Variants in IL4R observed in about 807,000 individuals in gnomAD.
IL4R encodes interleukin 4 receptor.
Under a neutral mutation model 41.5 loss-of-function variants are expected in IL4R, and 17 were observed. The ratio of observed to expected loss-of-function variants is 0.41; its 90% confidence interval spans 0.28 to 0.61. The LOEUF (loss-of-function observed/expected upper bound fraction) is 0.61. Among genes scored for constraint, IL4R ranks in the 20% least tolerant of loss-of-function variants. The pLI is 0.31. For synonymous variants in IL4R, 402 were observed against 422.9 expected, an observed-to-expected ratio of 0.95 and a Z score of 0.61; for missense variants, 974 against 1,043.1, an observed-to-expected ratio of 0.93 and a Z score of 0.91.
At chr16:27,338,727 G>A (rs890890601) in intron 2 of IL4R, among the ~76,000 whole-genome samples, 1 of 152,042 alleles carries the variant, frequency 6.6e-6, no homozygotes, top group African/African-American at 2.4e-5. Flanking sequence ...TGCCCCTTCT[G>A]TCATATGAAG....
intron 9 of IL4R, among the ~76,000 whole-genome samples, chr16:27,360,110 G>A (rs573419243): frequency 1.4e-4 from 22 of 152,210 alleles, no homozygotes; most frequent in Middle Eastern, 3.4e-3. Flanking sequence ...TGCTTCCTGG[G>A]TTCAAGCAAT....
At chr16:27,317,928 C>G (rs2084693933) in intron 1 of IL4R, among the ~76,000 whole-genome samples, 2 of 152,222 alleles carry the variant, frequency 1.3e-5, no homozygotes, top group South Asian at 4.1e-4. Flanking sequence ...CTTCCTCCTG[C>G]ATTTCTTCCT....
rs117070791 is a variant in IL4R at position 27,338,612 on chromosome 16, A to T, written c.-18-1574A>T. Among the ~76,000 whole-genome samples, 1,517 of 152,190 alleles carry T rather than the reference A, an allele frequency of 1.0e-2. 29 individuals carry two copies. Among genetic ancestry groups the T allele is most frequent in the Non-Finnish European group, 0.013 (895 of 67,988 alleles). On this transcript the variant is annotated intron_variant, in intron 2 of 10. Transcript: ENST00000395762. The stretch of plus-strand genomic sequence containing the variant: ...GTTGAAACTTCATCCCATTGTAGTC[A>T]TATTAAGAGATGGGGCCTTTGGAGA...
At position 27,314,086 on chromosome 16, in the gene IL4R, C is replaced by A. The variant is rs2084550812; in HGVS notation, c.-152+66C>A. ...ATCGCCCGGGCACGCCGGCTGAGGG[C>A]GTTCGGGAAGGGCTCGGCCGCCGGC... On this transcript the variant is annotated intron_variant, in intron 1 of 10. Transcript: ENST00000395762. 8 of 984,898 alleles carry A rather than the reference C, an allele frequency of 8.1e-6. No individual in the cohort carries two copies. In the South Asian group the frequency reaches 3.3e-4, roughly 40 times the overall value. 61.0% of individuals were successfully genotyped at this position (984,898 alleles called of 1,614,324 possible).
intron 1 of IL4R, among the ~76,000 whole-genome samples, chr16:27,321,190 C>T (rs144964851): frequency 7.3e-4 from 111 of 152,226 alleles, no homozygotes; most frequent in African/African-American, 2.5e-3. Flanking sequence ...GTGATCCGCC[C>T]ACCTCAGCCT....
chr16:27,326,052 G>A (rs2084948524), intron 1 of IL4R, among the ~76,000 whole-genome samples: 2 of 152,078 alleles, frequency 1.3e-5, no homozygotes, highest in Admixed American at 1.3e-4. Flanking sequence ...CTAGAATTCA[G>A]CCCCTTCTCA....
intron 6 of IL4R, among the ~76,000 whole-genome samples, chr16:27,350,795 C>T (rs1163099057): frequency 6.6e-6 from 1 of 152,228 alleles, no homozygotes; most frequent in East Asian, 1.9e-4. Context: ...CTCCAGCCTC[C>T]TGTTTTTCTT....
intron 2 of IL4R, among the ~76,000 whole-genome samples, chr16:27,333,344 C>T (rs1425994529): frequency 6.6e-6 from 1 of 151,950 alleles, no homozygotes. Flanking sequence ...AGCAGGATGG[C>T]CAACTCTGCC....
intron 6 of IL4R, among the ~76,000 whole-genome samples, chr16:27,351,836 A>G (rs1282951112): frequency 6.6e-6 from 1 of 152,214 alleles, no homozygotes; most frequent in Non-Finnish European, 1.5e-5. Flanking sequence ...TAAAAAACAA[A>G]CAAACAAACA....
At chr16:27,352,063 A>G (rs371131155) in intron 6 of IL4R, among the ~76,000 whole-genome samples, 61 of 152,316 alleles carry the variant, frequency 4.0e-4, no homozygotes, top group African/African-American at 1.4e-3. Flanking sequence ...AAGATCACCC[A>G]GTGCTTTTTG....
intron 9 of IL4R, among the ~76,000 whole-genome samples, chr16:27,359,546 G>T (rs149411324): frequency 0.01 from 1,590 of 152,264 alleles, 19 homozygotes; most frequent in Middle Eastern, 0.017. Context: ...GAGAAAGGGG[G>T]ATTATAGGTC....
chr16:27,335,792 G>C (rs1567314119), intron 2 of IL4R, among the ~76,000 whole-genome samples: 1 of 152,042 alleles, frequency 6.6e-6, no homozygotes, highest in African/African-American at 2.4e-5. Flanking sequence ...GCCAAGACCT[G>C]GTCACTAGGA....
intron 8 of IL4R, among the ~76,000 whole-genome samples, chr16:27,358,618 G>C (rs1441533174): frequency 6.6e-6 from 1 of 152,196 alleles, no homozygotes; most frequent in Non-Finnish European, 1.5e-5. Context: ...TGAGGACATA[G>C]GTGGCCTCCT....
intron 6 of IL4R, among the ~76,000 whole-genome samples, chr16:27,347,658 C>G (rs1017377019): frequency 6.6e-6 from 1 of 152,196 alleles, no homozygotes; most frequent in African/African-American, 2.4e-5. Flanking sequence ...CCATGTTTCC[C>G]CACCCTGAAT....
At chr16:27,335,919 C>T (rs1430155839) in intron 2 of IL4R, among the ~76,000 whole-genome samples, 2 of 152,080 alleles carry the variant, frequency 1.3e-5, no homozygotes, top group Admixed American at 1.3e-4. Flanking sequence ...AGTGGTGATG[C>T]ATCACTGTTA....
intron 1 of IL4R, among the ~76,000 whole-genome samples, chr16:27,326,976 G>A (rs1282617791): frequency 6.6e-6 from 1 of 152,174 alleles, no homozygotes; most frequent in Non-Finnish European, 1.5e-5. Flanking sequence ...AGGAAGAAGT[G>A]CATGCCTAGC....
rs575282718 is a variant in IL4R at position 27,363,954 on chromosome 16, T to A, written c.*124T>A. The A allele has an allele frequency of 2.6e-4, 298 of 1,137,812 alleles. 1 individual carries two copies. In the African/African-American group the frequency reaches 4.4e-3, roughly 17 times the overall value. 70.5% of individuals were successfully genotyped at this position (1,137,812 alleles called of 1,614,324 possible). ...CCAAAAGACTTGAAGAACCATGGTA[T>A]GAAGGTGATTGGCCCCACTGACGTT... On this transcript the variant is annotated 3_prime_UTR_variant, in exon 11 of 11. Transcript: ENST00000395762.
intron 4 of IL4R, 79 bp downstream of exon 4, chr16:27,342,338 G>A (rs2085470005): frequency 3.3e-6 from 5 of 1,534,598 alleles, no homozygotes; most frequent in South Asian, 1.2e-5. Flanking sequence ...GGTCCAGGTG[G>A]TGCGCTGGAG....
intron 1 of IL4R, among the ~76,000 whole-genome samples, chr16:27,319,875 TC>T (rs1157349025): frequency 6.6e-6 from 1 of 152,088 alleles, no homozygotes; most frequent in Non-Finnish European, 1.5e-5. Context: ...GCGTACTTTT[TC>T]TTTTTTTTTT....
Sources: allele counts gnomAD v4.1 joint callset (sites outside exome capture counted in the v4.1 genomes callset), GRCh38; gene constraint gnomAD v4.1.1; transcripts MANE v1.5; gene names NCBI Gene and HGNC (gene_info 2026-07-23, HGNC 2026-07-21).